Variants in TIPIN observed in about 807,000 individuals in gnomAD.
The protein encoded by TIPIN is TIMELESS interacting protein.
In TIPIN, 29 loss-of-function variants were observed where a neutral mutation model predicts 35.6. The ratio of observed to expected loss-of-function variants is 0.82; its 90% CI spans 0.61 to 1.11. The LOEUF (loss-of-function observed/expected upper bound fraction) is 1.11, where lower values mean the gene tolerates loss of function less well. Ranked by LOEUF, TIPIN falls within the 50% of genes most tolerant of loss-of-function variation. The pLI, the probability that TIPIN is intolerant of heterozygous loss-of-function variation, is 0.00. For missense variants in TIPIN, 296 were observed against 345.4 expected, an observed-to-expected ratio of 0.86 and a Z score of 1.13; for synonymous variants, 102 against 121.5, an observed-to-expected ratio of 0.84 and a Z score of 1.06.
chr15:66,341,294 T>C lies in TIPIN; in HGVS notation c.538A>G (p.Asn180Asp). The stretch of plus-strand genomic sequence containing the variant: ...GCAAACATCTCACTTTCAGATAAGT[T>C]TGTCAGAAAGGGATCTAATTCAGTA... ...TSTELDPFLT[N>D]LSESEMFASE... is the part of the protein sequence containing the mutation. The change falls in exon 7 of 8, where the codon AAC becomes GAC. Residue 180 changes from asparagine to aspartate, a missense_variant. Coordinates refer to ENST00000261881, the MANE Select transcript of TIPIN (RefSeq NM_017858.3). The C allele has an allele frequency of 6.2e-7, 1 of 1,613,954 alleles. No homozygotes were observed. The highest frequency in any genetic ancestry group is 1.1e-5 in the South Asian group (1 of 91,074).
In TIPIN at chr15:66,349,295, A is replaced by C; in HGVS notation, c.411+20T>G. ...ACCATTTAGCATGTGAATGATATTT[A>C]TAATCATCTCAACACTTACCTGAAC... is the stretch of plus-strand genomic sequence containing the variant. On this transcript the variant is annotated intron_variant, in intron 5 of 7. Coordinates refer to ENST00000261881, the MANE Select transcript of TIPIN (RefSeq NM_017858.3). 1 of 1,611,496 alleles carries C rather than the reference A, an allele frequency of 6.2e-7. No individual in the cohort carries two copies. Among genetic ancestry groups the C allele is most frequent in the Non-Finnish European group, 8.5e-7 (1 of 1,179,614 alleles).
At position 66,341,358 on chromosome 15, in the gene TIPIN, T is replaced by C. The variant is rs1339822548; in HGVS notation, c.476-2A>G. On this transcript the variant is annotated splice_acceptor_variant, in intron 6 of 7. Transcript: ENST00000261881. LOFTEE classifies it high-confidence loss of function. Reference sequence around the variant, plus strand: ...GTTCATTATTCTCCGCAACTTCATCTGCAATAGAAAAGAAATAGTACATCT... The same window carrying C: ...GTTCATTATTCTCCGCAACTTCATCCGCAATAGAAAAGAAATAGTACATCT... 3 of 1,608,224 alleles carry C rather than the reference T, an allele frequency of 1.9e-6. No individual in the cohort carries two copies. Among genetic ancestry groups the C allele is most frequent in the Non-Finnish European group, 2.5e-6 (3 of 1,176,758 alleles).
chr15:66,362,775 C>T (rs1385154001), intron 1 of TIPIN, among the ~76,000 whole-genome samples: 1 of 152,050 alleles, frequency 6.6e-6, no homozygotes, highest in Non-Finnish European at 1.5e-5. Context: ...CTCTTAAAAC[C>T]AAAAGACCAT....
At chr15:66,349,578 C>G in intron 4 of TIPIN, 141 bp from the exon 5 acceptor site, 1 of 1,119,458 alleles carries the variant, frequency 8.9e-7, no homozygotes, top group Non-Finnish European at 1.2e-6. Flanking sequence ...ATAAAAGGAA[C>G]TTTAATAAGA....
chr15:66,368,027 T>G (rs2093263868), intron 1 of TIPIN, among the ~76,000 whole-genome samples: 1 of 151,456 alleles, frequency 6.6e-6, no homozygotes, highest in Admixed American at 6.6e-5. Flanking sequence ...AGAGATGAGG[T>G]TTCACTATGT....
chr15:66,349,293 T>C, intron 5 of TIPIN, 22 bp downstream of exon 5: 1 of 1,611,330 alleles, frequency 6.2e-7, no homozygotes, highest in East Asian at 2.2e-5. Context: ...TGAATGATAT[T>C]TATAATCATC....
rs540863233 is a variant in TIPIN at position 66,338,489 on chromosome 15, A to C, written c.683-1308T>G. ...TAATGCTATCTTCATGTAATGTTTC[A>C]CATGGTACTAATAAAACATCCATTT... On this transcript the variant is annotated intron_variant, in intron 7 of 7. Transcript: ENST00000261881. Among the ~76,000 whole-genome samples the C allele has an allele frequency of 3.3e-5, 5 of 152,264 alleles. No homozygotes were observed. The East Asian group carries it at 5.8e-4, about 18-fold the overall frequency.
In TIPIN at chr15:66,352,907, T is replaced by A. The variant is rs772077095; in HGVS notation, c.41A>T (p.Asp14Val). 1.2e-6 allele frequency: 2 copies of A among 1,614,006 alleles called. No individual in the cohort carries two copies. Among genetic ancestry groups the A allele is most frequent in the Admixed American group, 3.3e-5 (2 of 59,998 alleles). ...AGTTTCATCTTCTACATGCTCATAA[T>A]CTGGTAGGTCAATCACGCCATTCTC... ...PQENGVIDLPDYEHVEDETFP... is the reference protein window; with the variant it reads ...PQENGVIDLPVYEHVEDETFP... Residue 14 changes from aspartate (D) to valine (V), a missense_variant, in exon 2 of 8, where the codon GAT becomes GTT. Transcript: ENST00000261881.
At chr15:66,344,004 A>T (rs2093106019) in intron 6 of TIPIN, among the ~76,000 whole-genome samples, 1 of 152,214 alleles carries the variant, frequency 6.6e-6, no homozygotes, top group Non-Finnish European at 1.5e-5. Context: ...GTCTCAAAAA[A>T]AGAACCACTT....
At chr15:66,373,178 C>T (rs896717856) in intron 1 of TIPIN, among the ~76,000 whole-genome samples, 1 of 152,104 alleles carries the variant, frequency 6.6e-6, no homozygotes, top group Admixed American at 6.6e-5. Flanking sequence ...TTATGCAATA[C>T]ATGACTGTAT....
intron 4 of TIPIN, among the ~76,000 whole-genome samples, chr15:66,349,953 TGTTTTTTTG>T (rs984147710): frequency 3.8e-4 from 37 of 97,710 alleles, no homozygotes; most frequent in African/African-American, 5.9e-4. Context: ...GGGTTTTTTT[TGTTTTTTTG>T]GTTTTTTTGG....
intron 1 of TIPIN, among the ~76,000 whole-genome samples, chr15:66,379,002 C>G (rs1479942559): frequency 1.3e-5 from 2 of 152,106 alleles, no homozygotes; most frequent in African/African-American, 2.4e-5. Context: ...TCAGGCAATT[C>G]TCTCGTCTTG....
At chr15:66,355,302 G>A (rs1321234860) in intron 1 of TIPIN, among the ~76,000 whole-genome samples, 1 of 151,044 alleles carries the variant, frequency 6.6e-6, no homozygotes, top group African/African-American at 2.4e-5. Flanking sequence ...TAAAATGCTG[G>A]GATTACAGGC....
At chr15:66,349,227 T>A in intron 5 of TIPIN, 88 bp downstream of exon 5, 1 of 1,599,696 alleles carries the variant, frequency 6.3e-7, no homozygotes, top group Non-Finnish European at 8.5e-7. Context: ...GATTTCAAAA[T>A]GAACACTTTA....
At chr15:66,337,945 C>T (rs2093057436) in intron 7 of TIPIN, among the ~76,000 whole-genome samples, 1 of 151,912 alleles carries the variant, frequency 6.6e-6, no homozygotes, top group Non-Finnish European at 1.5e-5. Flanking sequence ...TCAAATGTAA[C>T]TGTTCTTATT....
At chr15:66,361,412 C>T (rs1006144336), upstream of TIPIN, among the ~76,000 whole-genome samples, 4 of 151,606 alleles carry the variant, frequency 2.6e-5, no homozygotes, top group East Asian at 5.9e-4. Flanking sequence ...CCCGCCACCA[C>T]GCCCGGCTAA....
upstream of TIPIN, among the ~76,000 whole-genome samples, chr15:66,361,132 CAA>C (rs879611205): frequency 5.4e-5 from 6 of 110,240 alleles, no homozygotes; most frequent in Non-Finnish European, 3.7e-5. Flanking sequence ...GACTTTGTCT[CAA>C]AAAAAAAAAA....
intron 1 of TIPIN, chr15:66,366,898 T>C: frequency 5.1e-6 from 5 of 985,224 alleles, no homozygotes; most frequent in Non-Finnish European, 6.0e-6. Flanking sequence ...TGGAAGCCCA[T>C]TGGCTGGGCA....
chr15:66,349,555 G>C, intron 4 of TIPIN, 118 bp from the exon 5 acceptor site: 1 of 1,357,572 alleles, frequency 7.4e-7, no homozygotes. Context: ...ATATTTATAA[G>C]GTTGAAAAAC....
Sources: gnomAD v4.1 joint callset for allele counts (sites outside exome capture counted in the v4.1 genomes callset) on GRCh38, gnomAD v4.1.1 for gene constraint, MANE v1.5 for transcripts, NCBI Gene and HGNC (gene_info 2026-07-23, HGNC 2026-07-21) for gene names.